PRKAR1A: variants seen among roughly 807,000 people sequenced by gnomAD.
PRKAR1A encodes protein kinase cAMP-dependent type I regulatory subunit alpha, also known as cAMP-dependent protein kinase type I-alpha regulatory subunit.
Under a neutral mutation model 52.0 loss-of-function variants are expected in PRKAR1A, and 3 were observed. The ratio of observed to expected loss-of-function variants is 0.06; its 90% CI spans 0.03 to 0.15. The LOEUF (loss-of-function observed/expected upper bound fraction) is 0.15, where lower values mean the gene tolerates loss of function less well. Ranked by LOEUF, PRKAR1A falls within the 10% of genes least tolerant of loss-of-function variation. The pLI, the probability that PRKAR1A is intolerant of heterozygous loss-of-function variation, is 1.00. For synonymous variants in PRKAR1A, 188 were observed against 168.4 expected (o/e 1.12, Z -0.90); for missense variants, 240 against 477.4 (o/e 0.50, Z 4.63).
chr17:68,485,225 G>T, the PRKAR1A span, among the ~76,000 whole-genome samples: 1 of 152,222 alleles, frequency 6.6e-6, no homozygotes, highest in South Asian at 2.1e-4. Flanking sequence ...GCTCAAGACA[G>T]ATGGAGAGTG....
chr17:68,548,934 G>A (rs377393126), intron 11 of PRKAR1A, among the ~76,000 whole-genome samples: 11 of 151,576 alleles, frequency 7.3e-5, no homozygotes, highest in East Asian at 4.0e-4. Context: ...GGGTTTCACC[G>A]TGTTAGCCAG....
chr17:68,419,738 T>C, the PRKAR1A span, among the ~76,000 whole-genome samples: 11 of 151,350 alleles, frequency 7.3e-5, no homozygotes, highest in African/African-American at 2.7e-4. Context: ...GACAGGAGGA[T>C]TGCTTGAGGC....
At chr17:68,424,440 A>G in the PRKAR1A span, 1 of 534,768 alleles carries the variant, frequency 1.9e-6, no homozygotes, top group Non-Finnish European at 3.8e-6. Flanking sequence ...CCTGCACTCC[A>G]TCCTTTTACA....
the PRKAR1A span, among the ~76,000 whole-genome samples, chr17:68,488,343 C>CCA: frequency 6.6e-6 from 1 of 152,074 alleles, no homozygotes; most frequent in Non-Finnish European, 1.5e-5. Context: ...CTTCTCTGTC[C>CCA]CATATATACA....
Position 68,532,482 on chromosome 17 carries a change from A to C in PRKAR1A, c.*2033A>C. 1.9e-6 allele frequency: 2 copies of C among 1,061,474 alleles called. No homozygotes were observed. The highest frequency in any genetic ancestry group is 2.3e-6 in the Non-Finnish European group (2 of 875,458). 65.8% of individuals were successfully genotyped at this position (1,061,474 alleles called of 1,614,324 possible). ...GATAAGTCTACATTAAACAATGATC[A>C]CATCTAAAGCTTTATCTTTGTGTAA... is the stretch of plus-strand genomic sequence containing the variant. On this transcript the variant is annotated 3_prime_UTR_variant, in exon 11 of 11. Coordinates refer to ENST00000589228, the MANE Select transcript of PRKAR1A (RefSeq NM_002734.5).
At chr17:68,525,019 G>A (rs1012218606) in intron 6 of PRKAR1A, 61 bp downstream of exon 6, 28 of 1,357,186 alleles carry the variant, frequency 2.1e-5, no homozygotes, top group East Asian at 4.6e-5. Context: ...GATCGCTTCC[G>A]AGCAATAAGA....
At chr17:68,541,440 T>A (rs1275872096) in intron 11 of PRKAR1A, 2 of 197,376 alleles carry the variant, frequency 1.0e-5, no homozygotes, top group African/African-American at 4.7e-5. Flanking sequence ...ATCTGTCATG[T>A]CCTCCAGAAA....
chr17:68,447,667 A>C, the PRKAR1A span, among the ~76,000 whole-genome samples: 1 of 152,114 alleles, frequency 6.6e-6, no homozygotes, highest in African/African-American at 2.4e-5. Flanking sequence ...CTGGGACCAC[A>C]CTTGGCCCTT....
At chr17:68,537,394 G>A, downstream of PRKAR1A, 2 of 1,544,020 alleles carry the variant, frequency 1.3e-6, no homozygotes, top group Non-Finnish European at 1.8e-6. The surrounding 1 kb of genome is among the most constrained non-coding windows in gnomAD (Gnocchi z 4.2). Context: ...GCAGTAACAG[G>A]TGGGAGTGAG....
the PRKAR1A span, among the ~76,000 whole-genome samples, chr17:68,472,175 A>G: frequency 6.6e-6 from 1 of 152,112 alleles, no homozygotes; most frequent in Non-Finnish European, 1.5e-5. Context: ...CTCCTTCCCC[A>G]GTGCCCCACC....
At chr17:68,543,108 C>G (rs897613450) in intron 11 of PRKAR1A, among the ~76,000 whole-genome samples, 2 of 152,126 alleles carry the variant, frequency 1.3e-5, no homozygotes, top group African/African-American at 4.8e-5. Context: ...TTTAATGTTC[C>G]TGTGAGTCAC....
At position 68,512,528 on chromosome 17, in the gene PRKAR1A, CCCG is replaced by C; in HGVS notation, c.-18_-16del. On this transcript the variant is annotated 5_prime_UTR_variant, in exon 1 of 11. Transcript: ENST00000589228. ...GCCGCCTCGCACCCGCAGCCTCGCG[CCCG>C]CCGCCGCCCGTCCCCAGGTGAGTGG... The C allele has an allele frequency of 6.5e-6, 1 of 154,686 alleles. No individual in the cohort carries two copies. The highest frequency in any genetic ancestry group is 1.4e-5 in the Non-Finnish European group (1 of 69,556). The allele number at this position is 154,686 out of a possible 1,614,324, so 9.6% of individuals were successfully genotyped here. A position where few individuals can be genotyped will look rare whatever the true frequency, so the allele number is the denominator to read the frequency against.
intron 6 of PRKAR1A, among the ~76,000 whole-genome samples, chr17:68,525,381 T>C (rs2085757831): frequency 6.6e-6 from 1 of 150,780 alleles, no homozygotes; most frequent in South Asian, 2.1e-4. Flanking sequence ...ATGGGGACAA[T>C]AATAGCATTG....
Position 68,515,461 on chromosome 17 carries a change from A to G in PRKAR1A, c.62A>G (p.Tyr21Cys), listed in dbSNP as rs2143150295. ...EARSLRECEL[Y>C]VQKHNIQALL... ...CGCAGCCTTCGAGAATGTGAGCTCTACGTCCAGAAGCATAACATTCAAGCG... is the reference window on the plus strand; with the variant it reads ...CGCAGCCTTCGAGAATGTGAGCTCTGCGTCCAGAAGCATAACATTCAAGCG... The change falls in exon 2 of 11, where the codon TAC becomes TGC. Residue 21 changes from tyrosine (Y) to cysteine (C), a missense_variant. Around this residue, in one of 4 missense-constraint regions of PRKAR1A, gnomAD observed 107 missense variants for 114.6 expected, o/e 0.93. Transcript: ENST00000589228. 3 of 1,613,686 alleles carry G rather than the reference A, an allele frequency of 1.9e-6. No homozygotes were observed. Among genetic ancestry groups the G allele is most frequent in the Non-Finnish European group, 1.7e-6 (2 of 1,180,044 alleles).
the PRKAR1A span, among the ~76,000 whole-genome samples, chr17:68,424,217 T>C: frequency 2.0e-5 from 3 of 152,188 alleles, no homozygotes; most frequent in Non-Finnish European, 4.4e-5. Flanking sequence ...GCCACTGAGA[T>C]ATAAACTTCA....
the PRKAR1A span, among the ~76,000 whole-genome samples, chr17:68,485,111 C>T: frequency 6.6e-6 from 1 of 152,184 alleles, no homozygotes; most frequent in African/African-American, 2.4e-5. Flanking sequence ...TGTGGGCTGC[C>T]TTTCTGCTAA....
At chr17:68,519,878 G>T (rs2085550985) in intron 2 of PRKAR1A, among the ~76,000 whole-genome samples, 1 of 152,188 alleles carries the variant, frequency 6.6e-6, no homozygotes, top group South Asian at 2.1e-4. Flanking sequence ...AATGTACGAG[G>T]TATGTGATTT....
rs76440969 is a variant in PRKAR1A, at chr17:68,540,153, G to T, written c.973+10152G>T. Among the ~76,000 whole-genome samples the T allele has an allele frequency of 0.018, 2,744 of 152,250 alleles. 87 individuals carry two copies. The highest frequency in any genetic ancestry group is 0.061 in the African/African-American group (2,514 of 41,550). ...GCAGCCGCAGGAGGGAGAAGGAAGC[G>T]AAACAAGCAAACCCTAAATGGACTG... On this transcript the variant is annotated intron_variant, in intron 11 of 11. Coordinates refer to the PRKAR1A transcript ENST00000585981.
the PRKAR1A span, among the ~76,000 whole-genome samples, chr17:68,506,179 C>G: frequency 0.025 from 3,769 of 152,070 alleles, 137 homozygotes; most frequent in African/African-American, 0.086. Flanking sequence ...GCCCCTCCCC[C>G]CTACCACAGG....
Sources: allele counts gnomAD v4.1 joint callset (sites outside exome capture counted in the v4.1 genomes callset), GRCh38; gene constraint gnomAD v4.1.1; regional missense constraint gnomAD v4.1.1; non-coding constraint Gnocchi (gnomAD v3.1); transcripts MANE v1.5; gene names NCBI Gene and HGNC (gene_info 2026-07-23, HGNC 2026-07-21).